The following MAN1C1 variants were observed in gnomAD, a reference collection of about 807,000 sequenced individuals.
MAN1C1 encodes the protein mannosidase alpha class 1C member 1, also known as mannosyl-oligosaccharide 1,2-alpha-mannosidase IC.
MAN1C1 carries 49 observed loss-of-function variants against 71.5 expected under a neutral mutation model. The ratio of observed to expected loss-of-function variants is 0.69; its 90% CI spans 0.54 to 0.87. MAN1C1 has a LOEUF of 0.87. Among genes scored for constraint, MAN1C1 ranks in the 40% least tolerant of loss-of-function variants. MAN1C1 has a pLI of 0.00. For missense variants in MAN1C1, 743 were observed against 835.0 expected (o/e 0.89, Z 1.36); for synonymous variants, 352 against 343.7 (o/e 1.02, Z -0.27).
At chr1:25,736,723 T>G (rs548704681) in intron 2 of MAN1C1, among the ~76,000 whole-genome samples, 1 of 152,284 alleles carries the variant, frequency 6.6e-6, no homozygotes, top group Admixed American at 6.5e-5. Flanking sequence ...GACAGGGTTT[T>G]GCCATGTCGC....
chr1:25,621,467 A>G (rs1557736688), intron 1 of MAN1C1, among the ~76,000 whole-genome samples: 1 of 152,142 alleles, frequency 6.6e-6, no homozygotes, highest in Non-Finnish European at 1.5e-5. Context: ...GATGTCATTC[A>G]TAGGCGGGTT....
At chr1:25,773,027 C>T (rs899881664) in intron 8 of MAN1C1, among the ~76,000 whole-genome samples, 2 of 152,248 alleles carry the variant, frequency 1.3e-5, no homozygotes. Flanking sequence ...TTATTCTCTT[C>T]ACCTTCATCA....
Position 25,707,278 on chromosome 1 carries a change from T to A in MAN1C1, c.637+20742T>A, listed in dbSNP as rs565047993. On this transcript the variant is annotated intron_variant, in intron 2 of 11. Coordinates refer to ENST00000374332, the MANE Select transcript of MAN1C1 (RefSeq NM_020379.4). ...AGCACTAAAATCACACCATTCAAAG[T>A]GCTGGCCCCTGGACTTACCGTCAAG... Among the ~76,000 whole-genome samples, 63 of 152,274 alleles carry A rather than the reference T, an allele frequency of 4.1e-4. No homozygotes were observed. The South Asian group carries it at 6.0e-3, about 15-fold the overall frequency.
rs536091440 is a variant in MAN1C1 at position 25,769,786 on chromosome 1, C to T, written c.1142-1871C>T. Among the ~76,000 whole-genome samples the T allele has an allele frequency of 1.3e-5, 2 of 152,352 alleles. No individual in the cohort carries two copies. Among genetic ancestry groups the T allele is most frequent in the East Asian group, 1.9e-4 (1 of 5,180 alleles). On this transcript the variant is annotated intron_variant, in intron 7 of 11. Coordinates refer to ENST00000374332, the MANE Select transcript of MAN1C1 (RefSeq NM_020379.4). The surrounding 1 kb of genome is among the most constrained non-coding windows in gnomAD (Gnocchi z 4.8). ...AGCTAGTGAGGGAGGCAGACCCGTACGCAGGCACTCATCGCACACCCGGCG... is the reference window on the plus strand; with the variant it reads ...AGCTAGTGAGGGAGGCAGACCCGTATGCAGGCACTCATCGCACACCCGGCG...
chr1:25,767,360 C>T (rs1417643842), intron 7 of MAN1C1, among the ~76,000 whole-genome samples: 1 of 119,552 alleles, frequency 8.4e-6, no homozygotes, highest in Admixed American at 8.2e-5. Context: ...ACACCACTAC[C>T]CTCACATACG....
In MAN1C1 at chr1:25,769,900, C is replaced by T. The variant is rs1341222314; in HGVS notation, c.1142-1757C>T. ...GTGCCTGGCCTTGTTTCACTTAATC[C>T]CCGTGGCCACCCTATGGGGAGGGAC... On this transcript the variant is annotated intron_variant, in intron 7 of 11. Transcript: ENST00000374332. This position sits in a 1 kb window ranked among gnomAD's most constrained non-coding sequence, Gnocchi z 4.8. Among the ~76,000 whole-genome samples, 2 of 152,208 alleles carry T rather than the reference C, an allele frequency of 1.3e-5. No homozygotes were observed. Among genetic ancestry groups the T allele is most frequent in the South Asian group, 2.1e-4 (1 of 4,828 alleles).
intron 2 of MAN1C1, among the ~76,000 whole-genome samples, chr1:25,697,357 T>C (rs965927794): frequency 1.3e-5 from 2 of 152,274 alleles, no homozygotes; most frequent in Non-Finnish European, 2.9e-5. Context: ...CATTGTAGCA[T>C]GTATTATCAG....
intron 2 of MAN1C1, among the ~76,000 whole-genome samples, chr1:25,727,975 C>T (rs1358773101): frequency 6.6e-6 from 1 of 152,248 alleles, no homozygotes; most frequent in African/African-American, 2.4e-5. Context: ...GTCTTCCTGG[C>T]AGGGAATGCA....
At chr1:25,676,127 G>A (rs1342438383) in intron 1 of MAN1C1, among the ~76,000 whole-genome samples, 1 of 152,098 alleles carries the variant, frequency 6.6e-6, no homozygotes, top group Non-Finnish European at 1.5e-5. Context: ...CCACACTCTC[G>A]ACCCTGATGC....
rs150170908 is a variant in MAN1C1, at chr1:25,769,994, G to A, written c.1142-1663G>A. 2.3e-3 allele frequency among the ~76,000 whole-genome samples: 345 copies of A among 152,244 alleles called. 1 individual carries two copies. The highest frequency in any genetic ancestry group is 6.4e-3 in the African/African-American group (264 of 41,546). ...TGAGGTGGGGAGGGTGCGCCACACC[G>A]AGAGGTGACAGTGCTCGTAGCTGCC... is the stretch of plus-strand genomic sequence containing the variant. On this transcript the variant is annotated intron_variant, in intron 7 of 11. Transcript: ENST00000374332. The surrounding 1 kb of genome is among the most constrained non-coding windows in gnomAD (Gnocchi z 4.8).
chr1:25,757,046 C>G (rs1460486820), intron 5 of MAN1C1, among the ~76,000 whole-genome samples: 1 of 152,194 alleles, frequency 6.6e-6, no homozygotes, highest in African/African-American at 2.4e-5. Flanking sequence ...AGCCCTTCGT[C>G]TGTTCCCACA....
rs528070221 is a variant in MAN1C1 at position 25,623,259 on chromosome 1, C to A, written c.540+4922C>A. Reference sequence around the variant, plus strand: ...TTAGCACTTGTCCCTACCAGGTATACAACTTAACTCCCACACGTTGGTTGT... The same window carrying A: ...TTAGCACTTGTCCCTACCAGGTATAAAACTTAACTCCCACACGTTGGTTGT... On this transcript the variant is annotated intron_variant, in intron 1 of 11. Transcript: ENST00000374332. 3.7e-4 allele frequency among the ~76,000 whole-genome samples: 56 copies of A among 152,318 alleles called. No individual in the cohort carries two copies. The South Asian group carries it at 0.011, about 30-fold the overall frequency.
intron 2 of MAN1C1, among the ~76,000 whole-genome samples, chr1:25,695,287 C>T (rs1264530995): frequency 6.6e-6 from 1 of 152,118 alleles, no homozygotes; most frequent in African/African-American, 2.4e-5. Context: ...AGCAAGCAAA[C>T]CTTCCTGGTA....
At position 25,737,868 on chromosome 1, in the gene MAN1C1, C is replaced by T. The variant is rs1171702037; in HGVS notation, c.638-8800C>T. ...GCAGAGGGACCCATATCAGCAGGCA[C>T]GCCAGGGAGTCTGAGGAGCTGCTGG... On this transcript the variant is annotated intron_variant, in intron 2 of 11. Transcript: ENST00000374332. Among the ~76,000 whole-genome samples the T allele has an allele frequency of 3.3e-5, 5 of 152,248 alleles. No individual in the cohort carries two copies. In the East Asian group the frequency reaches 9.6e-4, roughly 29 times the overall value.
At chr1:25,740,446 G>A (rs547777405) in intron 2 of MAN1C1, among the ~76,000 whole-genome samples, 7 of 152,062 alleles carry the variant, frequency 4.6e-5, no homozygotes, top group East Asian at 3.9e-4. Flanking sequence ...TGTTGTTGTC[G>A]TTGTTGTTGT....
rs2046035434 is a variant in MAN1C1 at position 25,674,396 on chromosome 1, A to G, written c.541-12044A>G. 2.6e-5 allele frequency among the ~76,000 whole-genome samples: 4 copies of G among 152,212 alleles called. No homozygotes were observed. In the South Asian group the frequency reaches 8.3e-4, roughly 32 times the overall value. ...GTCTCTATGTGCTGGGTACTCTCCT[A>G]GGTGCTAGGGAGCAGTAATGAGCAA... On this transcript the variant is annotated intron_variant, in intron 1 of 11. Transcript: ENST00000374332.
rs1456493421 is a variant in MAN1C1, at chr1:25,769,680, C to T, written c.1142-1977C>T. ...CCCTTCCATTCACCTGCTCAGCACT[C>T]CATGGGCATCTCTGTGCGCCGTGTA... On this transcript the variant is annotated intron_variant, in intron 7 of 11. Transcript: ENST00000374332. The surrounding 1 kb of genome is among the most constrained non-coding windows in gnomAD (Gnocchi z 4.8). Among the ~76,000 whole-genome samples, 2 of 152,172 alleles carry T rather than the reference C, an allele frequency of 1.3e-5. No homozygotes were observed. The highest frequency in any genetic ancestry group is 2.9e-5 in the Non-Finnish European group (2 of 68,030).
At chr1:25,694,330 C>G (rs1414008019) in intron 2 of MAN1C1, among the ~76,000 whole-genome samples, 2 of 152,222 alleles carry the variant, frequency 1.3e-5, no homozygotes, top group African/African-American at 4.8e-5. Context: ...GTAACATCTC[C>G]CTGCTCTGAG....
rs1182718312 is a variant in MAN1C1, at chr1:25,764,670, G to T, written c.1141+703G>T. 6.6e-6 allele frequency among the ~76,000 whole-genome samples: 1 copy of T among 151,782 alleles called. No homozygotes were observed. On this transcript the variant is annotated intron_variant, in intron 7 of 11. Coordinates refer to ENST00000374332, the MANE Select transcript of MAN1C1 (RefSeq NM_020379.4). This position sits in a 1 kb window ranked among gnomAD's most constrained non-coding sequence, Gnocchi z 4.4. ...TGACCTCAAATGATCCAACCGCCTC[G>T]GCCTCCCAAAGTGCTGGGATTACAG...
Sources: gnomAD v4.1 joint callset for allele counts (sites outside exome capture counted in the v4.1 genomes callset) on GRCh38, gnomAD v4.1.1 for gene constraint, Gnocchi (gnomAD v3.1) non-coding constraint, MANE v1.5 for transcripts, NCBI Gene and HGNC (gene_info 2026-07-23, HGNC 2026-07-21) for gene names.